The following CA10 variants were observed in gnomAD, a reference collection of about 807,000 sequenced individuals.
CA10 encodes the protein carbonic anhydrase 10 (inactive).
Under a neutral mutation model 44.2 loss-of-function variants are expected in CA10, and 14 were observed. The observed-to-expected ratio is 0.32, with a 90% CI of 0.21 to 0.50. The LOEUF is 0.50. Among genes scored for constraint, CA10 ranks in the 20% least tolerant of loss-of-function variants. The pLI is 0.99. For synonymous variants in CA10, 159 were observed against 141.6 expected, an observed-to-expected ratio of 1.12 and a Z score of -0.87; for missense variants, 350 against 409.7, an observed-to-expected ratio of 0.85 and a Z score of 1.26.
intron 3 of CA10, among the ~76,000 whole-genome samples, chr17:51,871,912 CAAG>C (rs1979835522): frequency 6.6e-6 from 1 of 152,036 alleles, no homozygotes; most frequent in African/African-American, 2.4e-5. Flanking sequence ...ATGCAAATGC[CAAG>C]AAGAATGAAA....
intron 2 of CA10, among the ~76,000 whole-genome samples, chr17:52,033,963 A>G (rs564328982): frequency 5.3e-5 from 8 of 152,348 alleles, no homozygotes; most frequent in African/African-American, 1.9e-4. Flanking sequence ...GATATCACTT[A>G]TATGTGAAAT....
chr17:51,746,133 A>G (rs1904679068), intron 4 of CA10, among the ~76,000 whole-genome samples: 1 of 152,184 alleles, frequency 6.6e-6, no homozygotes, highest in East Asian at 1.9e-4. Context: ...ACTACAGCTC[A>G]ACCCTATTGT....
intron 1 of CA10, among the ~76,000 whole-genome samples, chr17:52,140,171 A>G (rs1989446078): frequency 6.6e-6 from 1 of 152,222 alleles, no homozygotes; most frequent in Non-Finnish European, 1.5e-5. Context: ...TGGTGGTTAT[A>G]GGACTGTCTT....
At chr17:51,891,901 C>T (rs367621893) in intron 3 of CA10, among the ~76,000 whole-genome samples, 3 of 152,206 alleles carry the variant, frequency 2.0e-5, no homozygotes. Flanking sequence ...CTACATCTCA[C>T]CGGTGAGGAA....
At chr17:52,048,775 G>A (rs756172395) in intron 2 of CA10, among the ~76,000 whole-genome samples, 3 of 151,962 alleles carry the variant, frequency 2.0e-5, no homozygotes, top group Non-Finnish European at 4.4e-5. Flanking sequence ...CTACATGCTG[G>A]GGAATTGTGA....
chr17:52,158,423 A>AC lies in CA10; in HGVS notation c.-638_-637insG. ...ACACAGCAGACACACAGAGAAAGAGAGGCAGGGATTATTGCCCGAAACCGC... is the reference window on the plus strand; with the variant it reads ...ACACAGCAGACACACAGAGAAAGAGACGGCAGGGATTATTGCCCGAAACCGC... On this transcript the variant is annotated 5_prime_UTR_variant, in exon 1 of 9. Coordinates refer to ENST00000451037, the MANE Select transcript of CA10 (RefSeq NM_020178.5). 2 of 158,324 alleles carry AC rather than the reference A, an allele frequency of 1.3e-5. No individual in the cohort carries two copies. The highest frequency in any genetic ancestry group is 6.3e-5 in the Admixed American group (1 of 15,796). 9.8% of individuals were successfully genotyped at this position (158,324 alleles called of 1,614,324 possible). A position where few individuals can be genotyped will look rare whatever the true frequency, so the allele number is the denominator to read the frequency against.
intron 2 of CA10, among the ~76,000 whole-genome samples, chr17:51,951,597 T>C (rs1043042283): frequency 6.6e-6 from 1 of 152,174 alleles, no homozygotes; most frequent in African/African-American, 2.4e-5. Flanking sequence ...TACAAATACC[T>C]TTTTGTCCTC....
intron 1 of CA10, among the ~76,000 whole-genome samples, chr17:52,078,402 G>T (rs1248022342): frequency 6.6e-6 from 1 of 152,198 alleles, no homozygotes; most frequent in Admixed American, 6.5e-5. Context: ...AAGCTTCCAA[G>T]CCCTGGGTCA....
chr17:51,633,436 T>C (rs760252689), intron 8 of CA10, 40 bp downstream of exon 8: 26 of 1,583,936 alleles, frequency 1.6e-5, no homozygotes, highest in Non-Finnish European at 2.2e-5. Context: ...AAGACTGAGC[T>C]CTAGCCTAGA....
At chr17:51,928,522 G>A (rs1982520239) in intron 3 of CA10, among the ~76,000 whole-genome samples, 1 of 152,146 alleles carries the variant, frequency 6.6e-6, no homozygotes, top group African/African-American at 2.4e-5. Flanking sequence ...CTTCCAGAGA[G>A]CTGCATCACA....
chr17:51,944,932 C>T (rs984341054), intron 2 of CA10, among the ~76,000 whole-genome samples: 6 of 152,144 alleles, frequency 3.9e-5, no homozygotes, highest in Non-Finnish European at 5.9e-5. Flanking sequence ...AGAGACTCTA[C>T]TTCTCTGCAC....
chr17:51,817,980 T>G (rs867566231), intron 3 of CA10, among the ~76,000 whole-genome samples: 1 of 152,256 alleles, frequency 6.6e-6, no homozygotes, highest in Non-Finnish European at 1.5e-5. Flanking sequence ...CAACATTGCT[T>G]TCTCCATCAT....
chr17:51,651,369 G>A (rs554514371), intron 5 of CA10, among the ~76,000 whole-genome samples: 27 of 152,312 alleles, frequency 1.8e-4, no homozygotes, highest in South Asian at 4.2e-4. Flanking sequence ...ATAACTCATG[G>A]TGGAGTTGAT....
chr17:52,089,124 T>C (rs886868571), intron 1 of CA10, among the ~76,000 whole-genome samples: 1 of 152,238 alleles, frequency 6.6e-6, no homozygotes, highest in Non-Finnish European at 1.5e-5. Flanking sequence ...ACGTTCCACA[T>C]GCTGCTGATG....
At chr17:51,893,155 A>G (rs966703135) in intron 3 of CA10, among the ~76,000 whole-genome samples, 1 of 152,188 alleles carries the variant, frequency 6.6e-6, no homozygotes, top group Admixed American at 6.6e-5. Flanking sequence ...CAAAATACAT[A>G]AACAAATATG....
At chr17:51,997,682 A>C (rs1159565785) in intron 2 of CA10, among the ~76,000 whole-genome samples, 1 of 152,090 alleles carries the variant, frequency 6.6e-6, no homozygotes, top group African/African-American at 2.4e-5. Context: ...TTCATGAAAC[A>C]TGTTGATTTT....
intron 2 of CA10, among the ~76,000 whole-genome samples, chr17:51,967,786 A>G (rs1291973896): frequency 6.6e-6 from 1 of 151,762 alleles, no homozygotes; most frequent in Non-Finnish European, 1.5e-5. Flanking sequence ...ATCACGAAGT[A>G]TACCCATGTA....
At chr17:52,085,828 G>A (rs916605899) in intron 1 of CA10, among the ~76,000 whole-genome samples, 4 of 152,078 alleles carry the variant, frequency 2.6e-5, no homozygotes, top group Admixed American at 2.0e-4. Context: ...GGTGATGTTT[G>A]CCATGTGTTC....
intron 2 of CA10, among the ~76,000 whole-genome samples, chr17:52,027,452 GT>G (rs1986335652): frequency 6.6e-6 from 1 of 152,144 alleles, no homozygotes; most frequent in Admixed American, 6.6e-5. Context: ...TCAGTTCTCA[GT>G]TTTCTCATCT....
Sources: gnomAD v4.1 joint callset for allele counts (sites outside exome capture counted in the v4.1 genomes callset) on GRCh38, gnomAD v4.1.1 for gene constraint, MANE v1.5 for transcripts, NCBI Gene and HGNC (gene_info 2026-07-23, HGNC 2026-07-21) for gene names.